The following RBFOX1 variants were observed in gnomAD, a reference collection of about 807,000 sequenced individuals.
The protein encoded by RBFOX1 is RNA binding protein fox-1 homolog 1.
A neutral mutation model predicts 57.7 loss-of-function variants in RBFOX1; 8 were observed. The observed-to-expected ratio is 0.14, with a 90% CI of 0.08 to 0.25. The LOEUF (loss-of-function observed/expected upper bound fraction) is 0.25. Ranked by LOEUF, RBFOX1 falls within the 10% of genes least tolerant of loss-of-function variation. The pLI is 1.00. For missense variants in RBFOX1, 611 were observed against 548.5 expected (o/e 1.11, Z -1.14); for synonymous variants, 326 against 222.4 (o/e 1.47, Z -4.15).
At chr16:5,841,326 C>T (rs1310398428) in intron 3 of RBFOX1, among the ~76,000 whole-genome samples, 2 of 152,144 alleles carry the variant, frequency 1.3e-5, no homozygotes, top group African/African-American at 2.4e-5. Context: ...AGGGAATGTT[C>T]TTATCACCAT....
intron 4 of RBFOX1, among the ~76,000 whole-genome samples, chr16:5,880,340 A>C (rs1396302352): frequency 1.3e-5 from 2 of 152,156 alleles, no homozygotes; most frequent in East Asian, 3.9e-4. Context: ...TTCCTTTGGT[A>C]GCATTGTAGT....
Position 6,282,259 on chromosome 16 carries a change from G to A in RBFOX1, c.-126-34736G>A, listed in dbSNP as rs199837541. On this transcript the variant is annotated intron_variant, in intron 1 of 15. Coordinates refer to ENST00000550418, the MANE Select transcript of RBFOX1 (RefSeq NM_018723.4). ...GTAATCTTAAAGTGAAAAATCTAAG[G>A]AAAATTTTACAAGGTAATTTTTGTC... Among the ~76,000 whole-genome samples the A allele has an allele frequency of 1.5e-4, 23 of 151,750 alleles. 1 individual carries two copies. In the East Asian group the frequency reaches 4.1e-3, roughly 27 times the overall value.
chr16:7,225,499 C>T (rs961505145), intron 4 of RBFOX1, among the ~76,000 whole-genome samples: 3 of 151,936 alleles, frequency 2.0e-5, no homozygotes, highest in Non-Finnish European at 4.4e-5. Context: ...AACTGTAAGT[C>T]CATTAAATCT....
intron 3 of RBFOX1, among the ~76,000 whole-genome samples, chr16:7,003,608 A>G (rs1218291670): frequency 6.6e-6 from 1 of 152,358 alleles, no homozygotes; most frequent in East Asian, 1.9e-4. Context: ...GAGAAAAACT[A>G]ACCTCTTCCA....
rs2056365711 is a variant in RBFOX1, at chr16:7,067,522, C to CT, written c.27+15431dup. Among the ~76,000 whole-genome samples, 3 of 149,864 alleles carry CT rather than the reference C, an allele frequency of 2.0e-5. No individual in the cohort carries two copies. The South Asian group carries it at 6.4e-4, about 32-fold the overall frequency. On this transcript the variant is annotated intron_variant, in intron 4 of 15. Coordinates refer to ENST00000550418, the MANE Select transcript of RBFOX1 (RefSeq NM_018723.4). ...GTTGTAGAACTGAGGTCCCTGTTTT[C>CT]TTTTTTTGTTTTCTTTTTTTATTTT...
At chr16:7,575,244 C>T (rs1431182096) in intron 5 of RBFOX1, among the ~76,000 whole-genome samples, 3 of 152,038 alleles carry the variant, frequency 2.0e-5, no homozygotes, top group Non-Finnish European at 4.4e-5. Flanking sequence ...AAGCGATTCT[C>T]CTGCCTCACC....
intron 3 of RBFOX1, among the ~76,000 whole-genome samples, chr16:6,892,048 T>G (rs2065562694): frequency 6.6e-6 from 1 of 152,210 alleles, no homozygotes; most frequent in African/African-American, 2.4e-5. Flanking sequence ...GTTGTAGTCG[T>G]GTGAAGTTGC....
intron 5 of RBFOX1, among the ~76,000 whole-genome samples, chr16:7,553,657 C>G (rs1183248673): frequency 1.3e-5 from 2 of 152,202 alleles, no homozygotes; most frequent in Non-Finnish European, 2.9e-5. Context: ...TCAGAAGGCA[C>G]TGCTCAGCAT....
chr16:6,930,694 G>A (rs2076360104), intron 3 of RBFOX1, among the ~76,000 whole-genome samples: 1 of 152,130 alleles, frequency 6.6e-6, no homozygotes, highest in Non-Finnish European at 1.5e-5. Context: ...ACAGGTGTTA[G>A]CCCCTGTGCC....
In RBFOX1 at chr16:5,650,366, G is replaced by A. The variant is rs139200418; in HGVS notation, c.318+51405G>A. Among the ~76,000 whole-genome samples the A allele has an allele frequency of 2.3e-3, 347 of 151,776 alleles. 1 individual carries two copies. Among genetic ancestry groups the A allele is most frequent in the Middle Eastern group, 0.014 (4 of 292 alleles). ...TGGTGGTGGTGTGGAGGGAGGGAGG[G>A]AGCCCCGTCGAGGGCCTCCTCCATC... On this transcript the variant is annotated intron_variant, in intron 3 of 19. Transcript: ENST00000641259.
chr16:7,012,468 A>C (rs929784109), intron 3 of RBFOX1, among the ~76,000 whole-genome samples: 1 of 152,206 alleles, frequency 6.6e-6, no homozygotes, highest in Non-Finnish European at 1.5e-5. Flanking sequence ...GGAAAGTCGC[A>C]TCTGTCTCAT....
intron 3 of RBFOX1, among the ~76,000 whole-genome samples, chr16:5,794,811 C>T (rs558198811): frequency 4.2e-4 from 64 of 152,284 alleles, no homozygotes; most frequent in Non-Finnish European, 7.6e-4. Flanking sequence ...TAAATCTAGG[C>T]AGAGGCTAGT....
chr16:6,576,313 T>C (rs1173946069), intron 2 of RBFOX1, among the ~76,000 whole-genome samples: 4 of 152,100 alleles, frequency 2.6e-5, no homozygotes, highest in Admixed American at 2.6e-4. Context: ...AGACATGCCA[T>C]TTCCCCAAAC....
At chr16:6,289,499 T>A (rs2077239562) in intron 1 of RBFOX1, among the ~76,000 whole-genome samples, 1 of 152,160 alleles carries the variant, frequency 6.6e-6, no homozygotes, top group African/African-American at 2.4e-5. Flanking sequence ...AAAATCATTC[T>A]TGAGTCGGCT....
At chr16:7,327,898 C>T (rs1407326692) in intron 4 of RBFOX1, among the ~76,000 whole-genome samples, 1 of 152,086 alleles carries the variant, frequency 6.6e-6, no homozygotes, top group Admixed American at 6.6e-5. Context: ...CCCACGGCTG[C>T]AGGTTGCGAT....
At chr16:7,496,745 C>CTGAAA (rs2068785623) in intron 4 of RBFOX1, among the ~76,000 whole-genome samples, 1 of 21,066 alleles carries the variant, frequency 4.7e-5, no homozygotes, top group African/African-American at 1.7e-4. Context: ...GACTACAGAA[C>CTGAAA]AGAAAAAAAA....
chr16:6,337,562 GA>G (rs2083940370), intron 2 of RBFOX1, among the ~76,000 whole-genome samples: 1 of 152,168 alleles, frequency 6.6e-6, no homozygotes, highest in African/African-American at 2.4e-5. Flanking sequence ...TGTACACCTG[GA>G]TGCCACATTC....
Position 7,157,685 on chromosome 16 carries a change from C to T in RBFOX1, c.27+105587C>T, listed in dbSNP as rs1021940251. On this transcript the variant is annotated intron_variant, in intron 4 of 15. Transcript: ENST00000550418. ...ACAGTATCTCTACACGCCATAGCCA[C>T]TCTACATGCAGTCCCACGCATCACC... 2.0e-5 allele frequency among the ~76,000 whole-genome samples: 3 copies of T among 152,186 alleles called. No individual in the cohort carries two copies. The East Asian group carries it at 5.8e-4, about 29-fold the overall frequency.
chr16:5,326,403 T>TG lies in RBFOX1; in HGVS notation c.219+86299dup, dbSNP rs1308243945. Reference sequence around the variant, plus strand: ...ATGTCCAAGTCCCCTTCTACTATTTTGAGCCCCATCCATACACTTGAGGCT... The same window carrying TG: ...ATGTCCAAGTCCCCTTCTACTATTTTGGAGCCCCATCCATACACTTGAGGCT... On this transcript the variant is annotated intron_variant, in intron 1 of 2. Coordinates refer to the RBFOX1 transcript ENST00000585867. 4.6e-5 allele frequency among the ~76,000 whole-genome samples: 7 copies of TG among 152,318 alleles called. No homozygotes were observed. The Middle Eastern group carries it at 0.01, about 222-fold the overall frequency.
Sources: gnomAD v4.1 joint callset for allele counts (sites outside exome capture counted in the v4.1 genomes callset) on GRCh38, gnomAD v4.1.1 for gene constraint, MANE v1.5 for transcripts, NCBI Gene and HGNC (gene_info 2026-07-23, HGNC 2026-07-21) for gene names.